CLEC16A: variants seen among roughly 807,000 people sequenced by gnomAD.
CLEC16A encodes C-type lectin domain containing 16A.
Under a neutral mutation model 109.5 loss-of-function variants are expected in CLEC16A, and 51 were observed. The observed-to-expected ratio is 0.47, with a 90% CI of 0.37 to 0.59. CLEC16A has a LOEUF of 0.59. CLEC16A is among the 20% of genes least tolerant of loss of function. The probability of loss-of-function intolerance (pLI) is 0.00; values close to 1 mark genes in which losing one functional copy is unlikely to be tolerated. For missense variants in CLEC16A, 1,339 were observed against 1,394.0 expected, an observed-to-expected ratio of 0.96 and a Z score of 0.63; for synonymous variants, 673 against 564.2, an observed-to-expected ratio of 1.19 and a Z score of -2.73.
chr16:11,104,361 C>T (rs2051096854), intron 19 of CLEC16A, among the ~76,000 whole-genome samples: 2 of 151,996 alleles, frequency 1.3e-5, no homozygotes, highest in African/African-American at 4.8e-5. Flanking sequence ...ACTCTGAGCT[C>T]AAGCAATCCT....
Position 11,020,071 on chromosome 16 carries a change from C to T in CLEC16A, c.1304-122C>T, listed in dbSNP as rs963897037. ...TCTCTGGTGTTCAGGTCGCTGCTGT[C>T]GGACATGTGCTTGATGTGTTTGGAG... On this transcript the variant is annotated intron_variant, in intron 11 of 23. Transcript: ENST00000409790. 5 of 1,170,882 alleles carry T rather than the reference C, an allele frequency of 4.3e-6. No homozygotes were observed. The African/African-American group carries it at 4.6e-5, about 11-fold the overall frequency. 72.5% of individuals were successfully genotyped at this position (1,170,882 alleles called of 1,614,324 possible).
chr16:11,171,265 GAGGCTCCCTCCGTGTGCAGCACCTGCCTC>G (rs2068501005), intron 23 of CLEC16A, among the ~76,000 whole-genome samples: 1 of 152,232 alleles, frequency 6.6e-6, no homozygotes, highest in Admixed American at 6.5e-5. Context: ...TGGTCACCCA[GAGGCTCCCTCCGTGTGCAGCACCTGCCTC>G]TGAGCCTCCT....
Position 11,146,959 on chromosome 16 carries a change from CT to C in CLEC16A, c.2642-19428del, listed in dbSNP as rs536748110. Among the ~76,000 whole-genome samples, 271 of 152,260 alleles carry C rather than the reference CT, an allele frequency of 1.8e-3. 1 individual carries two copies. Among genetic ancestry groups the C allele is most frequent in the African/African-American group, 6.3e-3 (263 of 41,546 alleles). On this transcript the variant is annotated intron_variant, in intron 22 of 23. Coordinates refer to ENST00000409790, the MANE Select transcript of CLEC16A (RefSeq NM_015226.3). The stretch of plus-strand genomic sequence containing the variant: ...CACCATGTTTGGTGCCCTCAGGGAA[CT>C]GGCAGATGCTGAGTTAATGTCCAGT...
At chr16:11,003,447 A>C (rs909519135) in intron 11 of CLEC16A, 142 bp downstream of exon 11, 2 of 674,792 alleles carry the variant, frequency 3.0e-6, no homozygotes. Context: ...ACACTGGCGT[A>C]CCTCATTCTA....
chr16:11,036,917 C>T (rs2047057059), intron 13 of CLEC16A, among the ~76,000 whole-genome samples: 1 of 152,184 alleles, frequency 6.6e-6, no homozygotes, highest in African/African-American at 2.4e-5. Context: ...AAATTCTCAT[C>T]CATGCATTAA....
intron 22 of CLEC16A, among the ~76,000 whole-genome samples, chr16:11,131,938 C>T (rs377364319): frequency 6.6e-6 from 1 of 152,232 alleles, no homozygotes; most frequent in Non-Finnish European, 1.5e-5. Context: ...TTTCGTGCTT[C>T]CCTCCGCCTG....
chr16:10,960,895 C>G (rs2042220770), intron 2 of CLEC16A, among the ~76,000 whole-genome samples: 2 of 152,190 alleles, frequency 1.3e-5, no homozygotes, highest in Admixed American at 6.5e-5. Flanking sequence ...TGTATCCCCT[C>G]GATATGCTCT....
At position 10,944,565 on chromosome 16, in the gene CLEC16A, G is replaced by T. The variant is rs2041238713; in HGVS notation, c.-153G>T. On this transcript the variant is annotated 5_prime_UTR_variant, in exon 1 of 24. Coordinates refer to ENST00000409790, the MANE Select transcript of CLEC16A (RefSeq NM_015226.3). ...AACGGCCGGTTCCGGCTGAATGTCA[G>T]TGCTGGGCTGTGGGCCGGGGAGGAA... The T allele has an allele frequency of 4.1e-6, 3 of 734,214 alleles. No individual in the cohort carries two copies. The highest frequency in any genetic ancestry group is 3.5e-5 in the South Asian group (2 of 56,526). 45.5% of individuals were successfully genotyped at this position (734,214 alleles called of 1,614,324 possible). A position where few individuals can be genotyped will look rare whatever the true frequency, so the allele number is the denominator to read the frequency against.
At chr16:11,058,826 A>C (rs1484553575) in intron 18 of CLEC16A, among the ~76,000 whole-genome samples, 1 of 152,160 alleles carries the variant, frequency 6.6e-6, no homozygotes, top group East Asian at 1.9e-4. Context: ...TTGCCTTCAA[A>C]ACCCCAAGAG....
chr16:10,945,335 AT>A (rs1396647047), intron 1 of CLEC16A, among the ~76,000 whole-genome samples: 3 of 152,220 alleles, frequency 2.0e-5, no homozygotes, highest in Non-Finnish European at 4.4e-5. Context: ...ATTAAACGGC[AT>A]TAATTATTAT....
chr16:11,165,121 G>T (rs753003058), intron 22 of CLEC16A, among the ~76,000 whole-genome samples: 3 of 152,124 alleles, frequency 2.0e-5, no homozygotes, highest in Non-Finnish European at 2.9e-5. Context: ...GGCTGAAGTC[G>T]TGGCCTGCAG....
At chr16:10,951,380 T>C (rs1454149159) in intron 1 of CLEC16A, among the ~76,000 whole-genome samples, 1 of 146,524 alleles carries the variant, frequency 6.8e-6, no homozygotes, top group East Asian at 2.0e-4. Context: ...GGTTTATCTA[T>C]TTGGTGTTTT....
At chr16:10,982,322 G>A (rs926529369) in intron 9 of CLEC16A, among the ~76,000 whole-genome samples, 1 of 152,078 alleles carries the variant, frequency 6.6e-6, no homozygotes, top group Non-Finnish European at 1.5e-5. Flanking sequence ...CAGCCCCGTA[G>A]TTCACATACC....
At chr16:11,160,558 A>G (rs531049439) in intron 22 of CLEC16A, among the ~76,000 whole-genome samples, 1 of 152,256 alleles carries the variant, frequency 6.6e-6, no homozygotes, top group Non-Finnish European at 1.5e-5. Flanking sequence ...TCCACCCAGC[A>G]GGTACAGGGC....
intron 19 of CLEC16A, among the ~76,000 whole-genome samples, chr16:11,063,705 G>A (rs2048615409): frequency 6.6e-6 from 1 of 152,202 alleles, no homozygotes; most frequent in South Asian, 2.1e-4. Flanking sequence ...TCGGCTGGGT[G>A]TGACAGCCGA....
intron 19 of CLEC16A, among the ~76,000 whole-genome samples, chr16:11,085,995 C>A (rs2049989726): frequency 6.6e-6 from 1 of 152,198 alleles, no homozygotes; most frequent in Admixed American, 6.5e-5. Flanking sequence ...AGCTAGTCCT[C>A]TGGGCAGTAG....
chr16:11,171,347 T>C (rs1194087052), intron 23 of CLEC16A, among the ~76,000 whole-genome samples: 1 of 152,204 alleles, frequency 6.6e-6, no homozygotes, highest in African/African-American at 2.4e-5. Context: ...GGAGTGGCTC[T>C]TTCAGTGCTG....
intron 6 of CLEC16A, 29 bp from the exon 7 acceptor site, chr16:10,972,909 C>CA: frequency 6.6e-7 from 1 of 1,521,142 alleles, no homozygotes; most frequent in Non-Finnish European, 8.8e-7. Flanking sequence ...GGTAGCTTGA[C>CA]TTTTTTTTTC....
rs200365878 is a variant in CLEC16A at position 11,180,210 on chromosome 16, G to T, written c.*1520G>T. ...TCTCCTCGGCCCAGCCAGCTGTCCC[G>T]GCAAGGCCTGCCGAGGGCAGTTTTC... On this transcript the variant is annotated 3_prime_UTR_variant, in exon 24 of 24. Coordinates refer to ENST00000409790, the MANE Select transcript of CLEC16A (RefSeq NM_015226.3). The T allele has an allele frequency of 3.3e-5, 5 of 152,378 alleles. No homozygotes were observed. The highest frequency in any genetic ancestry group is 5.9e-5 in the Non-Finnish European group (4 of 68,172). 9.4% of individuals were successfully genotyped at this position (152,378 alleles called of 1,614,324 possible).
Sources: allele counts gnomAD v4.1 joint callset (sites outside exome capture counted in the v4.1 genomes callset), GRCh38; gene constraint gnomAD v4.1.1; transcripts MANE v1.5; gene names NCBI Gene and HGNC (gene_info 2026-07-23, HGNC 2026-07-21).